The following XKR9 variants were observed in gnomAD, a reference collection of about 807,000 sequenced individuals.
The protein encoded by XKR9 is XK related 9, also known as XK-related protein 9.
In XKR9, 32 loss-of-function variants were observed where a neutral mutation model predicts 32.0. The observed-to-expected ratio is 1.00, with a 90% CI of 0.76 to 1.34. The LOEUF (loss-of-function observed/expected upper bound fraction) is 1.34, where lower values mean the gene tolerates loss of function less well. Ranked by LOEUF, XKR9 falls within the 40% of genes most tolerant of loss-of-function variation. The pLI is 0.00. For synonymous variants in XKR9, 168 were observed against 143.4 expected, an observed-to-expected ratio of 1.17 and a Z score of -1.22; for missense variants, 546 against 429.7, an observed-to-expected ratio of 1.27 and a Z score of -2.39.
At chr8:70,905,143 A>G in the XKR9 span, among the ~76,000 whole-genome samples, 2 of 152,144 alleles carry the variant, frequency 1.3e-5, no homozygotes, top group South Asian at 4.1e-4. Context: ...CGTTCTCTGT[A>G]TTTCCTGAAT....
chr8:70,723,633 C>T (rs967727315), intron 4 of XKR9, among the ~76,000 whole-genome samples: 1 of 152,188 alleles, frequency 6.6e-6, no homozygotes, highest in African/African-American at 2.4e-5. Flanking sequence ...TCCTGGGTAT[C>T]ACCAGCGGAG....
the XKR9 span, among the ~76,000 whole-genome samples, chr8:70,930,969 A>C: frequency 6.6e-6 from 1 of 152,212 alleles, no homozygotes; most frequent in South Asian, 2.1e-4. Context: ...GCTAAATCTG[A>C]TATTCACCTG....
chr8:70,984,915 A>G, the XKR9 span, among the ~76,000 whole-genome samples: 1 of 152,248 alleles, frequency 6.6e-6, no homozygotes, highest in Admixed American at 6.5e-5. Flanking sequence ...TGCTAAATTT[A>G]GAATCCATAA....
chr8:70,714,455 G>A (rs182591140), intron 4 of XKR9, among the ~76,000 whole-genome samples: 1,760 of 150,976 alleles, frequency 0.012, 34 homozygotes, highest in African/African-American at 0.039. Context: ...CTCTCTGATT[G>A]GCTCTAGATT....
chr8:70,834,550 T>C, the XKR9 span, among the ~76,000 whole-genome samples: 1 of 152,140 alleles, frequency 6.6e-6, no homozygotes, highest in Non-Finnish European at 1.5e-5. Context: ...GTTGCTTAAA[T>C]TCCTGTTTTT....
the XKR9 span, among the ~76,000 whole-genome samples, chr8:70,997,309 CA>C: frequency 9.3e-4 from 136 of 146,938 alleles, 1 homozygote; most frequent in Non-Finnish European, 1.6e-3. Context: ...AAAAAACAAA[CA>C]AAAAAAAAAC....
Position 70,729,345 on chromosome 8 carries a change from T to G in XKR9, c.494-4451T>G, listed in dbSNP as rs190689609. ...ATCTCAAAAGAAAAGTTTTCTTGGC[T>G]CTGGAAAACAAAAAGGATCAGCAGT... On this transcript the variant is annotated intron_variant, in intron 4 of 4. Coordinates refer to ENST00000408926, the MANE Select transcript of XKR9 (RefSeq NM_001011720.2). Among the ~76,000 whole-genome samples the G allele has an allele frequency of 2.4e-4, 37 of 152,288 alleles. 1 individual carries two copies. The highest frequency in any genetic ancestry group is 8.7e-4 in the African/African-American group (36 of 41,558).
chr8:70,821,486 T>C, the XKR9 span, among the ~76,000 whole-genome samples: 1 of 152,214 alleles, frequency 6.6e-6, no homozygotes, highest in African/African-American at 2.4e-5. Context: ...GGGGACTCTG[T>C]GTGAGGGCTC....
the XKR9 span, among the ~76,000 whole-genome samples, chr8:70,979,291 C>T: frequency 6.6e-6 from 1 of 152,198 alleles, no homozygotes; most frequent in Admixed American, 6.5e-5. Context: ...TGGCGAGGAG[C>T]TGCAATCCTT....
the XKR9 span, among the ~76,000 whole-genome samples, chr8:71,027,176 A>G: frequency 6.6e-6 from 1 of 151,900 alleles, no homozygotes; most frequent in Non-Finnish European, 1.5e-5. Context: ...TGGGACCAGT[A>G]GAATTGAAAG....
At chr8:70,919,219 T>C in the XKR9 span, among the ~76,000 whole-genome samples, 1 of 152,190 alleles carries the variant, frequency 6.6e-6, no homozygotes, top group African/African-American at 2.4e-5. Context: ...AGTTTCTTTA[T>C]CTGTTGAAAA....
intron 4 of XKR9, among the ~76,000 whole-genome samples, chr8:70,724,190 A>C (rs902021408): frequency 1.8e-4 from 28 of 152,112 alleles, no homozygotes; most frequent in Admixed American, 4.6e-4. Flanking sequence ...TGTCAGGGGA[A>C]AGCCGCCTAC....
intron 3 of XKR9, among the ~76,000 whole-genome samples, chr8:70,705,480 A>G (rs34677078): frequency 0.4 from 61,152 of 151,938 alleles, 13,874 homozygotes; most frequent in Non-Finnish European, 0.52. Flanking sequence ...AGACCTGAAT[A>G]AAGTTAAGGA....
the XKR9 span, among the ~76,000 whole-genome samples, chr8:70,900,148 A>C: frequency 6.6e-6 from 1 of 151,786 alleles, no homozygotes; most frequent in Non-Finnish European, 1.5e-5. Flanking sequence ...CTTGGGGTTC[A>C]TGTTTCTTTA....
intron 3 of XKR9, among the ~76,000 whole-genome samples, chr8:70,692,913 A>G (rs763566288): frequency 6.6e-6 from 1 of 152,140 alleles, no homozygotes; most frequent in South Asian, 2.1e-4. Flanking sequence ...TGTTCCTTCA[A>G]TACCTAGGTT....
the XKR9 span, among the ~76,000 whole-genome samples, chr8:70,867,799 A>G: frequency 6.6e-6 from 1 of 152,236 alleles, no homozygotes; most frequent in South Asian, 2.1e-4. Context: ...AAAAGTCCAC[A>G]GTCCAAAGTC....
At chr8:70,740,736 G>T (rs770200654), downstream of XKR9, among the ~76,000 whole-genome samples, 1 of 152,234 alleles carries the variant, frequency 6.6e-6, no homozygotes, top group African/African-American at 2.4e-5. Flanking sequence ...GTCCACTCCA[G>T]ACCCTGTTTG....
downstream of XKR9, among the ~76,000 whole-genome samples, chr8:70,739,491 C>T (rs536563222): frequency 4.3e-4 from 65 of 152,056 alleles, no homozygotes; most frequent in South Asian, 2.5e-3. Context: ...TTGTTATGTG[C>T]GAATTTGATC....
At chr8:70,922,396 C>G in the XKR9 span, among the ~76,000 whole-genome samples, 2 of 152,216 alleles carry the variant, frequency 1.3e-5, no homozygotes, top group African/African-American at 2.4e-5. Flanking sequence ...TAATGGGTCA[C>G]TACAGATAAT....
Sources: allele counts gnomAD v4.1 joint callset (sites outside exome capture counted in the v4.1 genomes callset), GRCh38; gene constraint gnomAD v4.1.1; transcripts MANE v1.5; gene names NCBI Gene and HGNC (gene_info 2026-07-23, HGNC 2026-07-21).